The following ADCY2 variants were observed in gnomAD, a reference collection of about 807,000 sequenced individuals.
The protein encoded by ADCY2 is adenylate cyclase 2, also known as adenylate cyclase type 2.
A neutral mutation model predicts 125.2 loss-of-function variants in ADCY2; 31 were observed. That is an observed-to-expected ratio of 0.25 (90% CI 0.19 to 0.33). The LOEUF (loss-of-function observed/expected upper bound fraction) is 0.33. Ranked by LOEUF, ADCY2 falls within the 10% of genes least tolerant of loss-of-function variation. The pLI, the probability that ADCY2 is intolerant of heterozygous loss-of-function variation, is 1.00. For missense variants in ADCY2, 904 were observed against 1,418.2 expected, an observed-to-expected ratio of 0.64 and a Z score of 5.82; for synonymous variants, 512 against 548.4, an observed-to-expected ratio of 0.93 and a Z score of 0.93.
chr5:7,578,846 C>T (rs1030861569), intron 3 of ADCY2, among the ~76,000 whole-genome samples: 8 of 152,088 alleles, frequency 5.3e-5, no homozygotes, highest in Non-Finnish European at 1.0e-4. Context: ...ATGGTGGGCA[C>T]ACAGCCACTC....
At chr5:7,585,139 G>A (rs1459307438) in intron 3 of ADCY2, among the ~76,000 whole-genome samples, 1 of 152,110 alleles carries the variant, frequency 6.6e-6, no homozygotes, top group Non-Finnish European at 1.5e-5. Flanking sequence ...ATGAATAGCT[G>A]CTTTTTTTCT....
intron 2 of ADCY2, among the ~76,000 whole-genome samples, chr5:7,482,352 A>G (rs1742762482): frequency 6.6e-6 from 1 of 152,110 alleles, no homozygotes; most frequent in African/African-American, 2.4e-5. Context: ...TTGTCAGATG[A>G]ATAGTTTGCA....
intron 18 of ADCY2, among the ~76,000 whole-genome samples, chr5:7,776,459 C>G (rs1743730612): frequency 2.6e-5 from 4 of 152,142 alleles, no homozygotes; most frequent in Admixed American, 2.6e-4. Flanking sequence ...TTTCTGGGAC[C>G]CTTGCTTGGC....
At chr5:7,402,980 G>A (rs1341089341) in intron 1 of ADCY2, among the ~76,000 whole-genome samples, 1 of 152,096 alleles carries the variant, frequency 6.6e-6, no homozygotes, top group Non-Finnish European at 1.5e-5. Context: ...TTGGAATTAT[G>A]ATTTCTACCC....
intron 3 of ADCY2, among the ~76,000 whole-genome samples, chr5:7,588,850 C>A (rs1480710131): frequency 6.6e-6 from 1 of 152,092 alleles, no homozygotes; most frequent in Non-Finnish European, 1.5e-5. Context: ...GTTTGCCAAT[C>A]CCTGGAATAG....
chr5:7,557,898 T>C (rs1412486000), intron 3 of ADCY2, among the ~76,000 whole-genome samples: 1 of 152,200 alleles, frequency 6.6e-6, no homozygotes, highest in Non-Finnish European at 1.5e-5. Flanking sequence ...AGTAATGGGA[T>C]TGCTAGGTCG....
intron 12 of ADCY2, among the ~76,000 whole-genome samples, chr5:7,721,986 A>G (rs1390749598): frequency 6.6e-6 from 1 of 152,252 alleles, no homozygotes; most frequent in African/African-American, 2.4e-5. Context: ...ACCTCAGAAG[A>G]TTCACAGAGG....
intron 15 of ADCY2, among the ~76,000 whole-genome samples, chr5:7,746,741 A>G (rs570920392): frequency 1.3e-5 from 2 of 152,354 alleles, no homozygotes; most frequent in South Asian, 4.1e-4. Context: ...GATGCCAAAG[A>G]CAGTATTTGT....
rs138786888 is a variant in ADCY2, at chr5:7,419,139, G to A, written c.408+4369G>A. On this transcript the variant is annotated intron_variant, in intron 2 of 24. Coordinates refer to ENST00000338316, the MANE Select transcript of ADCY2 (RefSeq NM_020546.3). ...ATTAACAACATAGTTGTAAAGTGAT[G>A]CAGGAATGAGCCTGCTATGCAGTCA... Among the ~76,000 whole-genome samples, 297 of 152,290 alleles carry A rather than the reference G, an allele frequency of 2.0e-3. 6 individuals carry two copies. Among genetic ancestry groups the A allele is most frequent in the Admixed American group, 0.014 (207 of 15,300 alleles).
chr5:7,782,582 T>C (rs1743953015), intron 18 of ADCY2, among the ~76,000 whole-genome samples: 1 of 152,208 alleles, frequency 6.6e-6, no homozygotes, highest in South Asian at 2.1e-4. Flanking sequence ...TTAGGAATTA[T>C]GAGGGTGGTG....
chr5:7,563,923 A>G (rs116147449), intron 3 of ADCY2, among the ~76,000 whole-genome samples: 1 of 152,198 alleles, frequency 6.6e-6, no homozygotes, highest in Non-Finnish European at 1.5e-5. Flanking sequence ...TGATTTAAAC[A>G]AAGACTCCTC....
At chr5:7,471,181 A>T (rs1035678387) in intron 2 of ADCY2, among the ~76,000 whole-genome samples, 5 of 151,924 alleles carry the variant, frequency 3.3e-5, no homozygotes, top group African/African-American at 1.2e-4. Flanking sequence ...GACAGCATAC[A>T]TCATGTTGGG....
At chr5:7,765,275 A>AT (rs1310990387) in intron 16 of ADCY2, among the ~76,000 whole-genome samples, 1 of 152,120 alleles carries the variant, frequency 6.6e-6, no homozygotes, top group African/African-American at 2.4e-5. Context: ...CCATTTATTG[A>AT]TTTTTTAATA....
At chr5:7,772,246 G>A (rs1743578340) in intron 17 of ADCY2, among the ~76,000 whole-genome samples, 1 of 152,168 alleles carries the variant, frequency 6.6e-6, no homozygotes. Context: ...GTGGTAAATG[G>A]GGAGGAAATG....
chr5:7,472,868 T>C (rs1561044691), intron 2 of ADCY2, among the ~76,000 whole-genome samples: 2 of 152,202 alleles, frequency 1.3e-5, no homozygotes, highest in African/African-American at 2.4e-5. Flanking sequence ...AGCTTTAGGC[T>C]TCTCCTGTGT....
intron 2 of ADCY2, among the ~76,000 whole-genome samples, chr5:7,509,933 A>T (rs749159931): frequency 6.6e-6 from 1 of 152,194 alleles, no homozygotes; most frequent in Non-Finnish European, 1.5e-5. Context: ...TCTACTTAAG[A>T]TGGTCAGGTA....
intron 2 of ADCY2, among the ~76,000 whole-genome samples, chr5:7,478,727 C>T (rs1003473259): frequency 4.0e-5 from 6 of 151,868 alleles, no homozygotes; most frequent in East Asian, 1.9e-4. Flanking sequence ...CAACTGATAC[C>T]GAAAGTGTGT....
At chr5:7,429,549 T>C (rs1305556287) in intron 2 of ADCY2, among the ~76,000 whole-genome samples, 1 of 152,358 alleles carries the variant, frequency 6.6e-6, no homozygotes, top group Middle Eastern at 3.4e-3. Flanking sequence ...AGGGTTGTTA[T>C]GATACAAAGT....
At position 7,680,112 on chromosome 5, in the gene ADCY2, A is replaced by G. The variant is rs147262344; in HGVS notation, c.721-10579A>G. 5.9e-3 allele frequency among the ~76,000 whole-genome samples: 904 copies of G among 152,268 alleles called. 5 individuals are homozygous for G. The highest frequency in any genetic ancestry group is 0.017 in the Middle Eastern group (5 of 294). ...AGTTAGGTTAAAAGTCCAGAGGAGA[A>G]GTCTTATATTTAGAGGAATGTTTCT... On this transcript the variant is annotated intron_variant, in intron 4 of 24. Transcript: ENST00000338316.
Sources: allele counts gnomAD v4.1 joint callset (sites outside exome capture counted in the v4.1 genomes callset), GRCh38; gene constraint gnomAD v4.1.1; transcripts MANE v1.5; gene names NCBI Gene and HGNC (gene_info 2026-07-23, HGNC 2026-07-21).